The following LRRC8C variants were observed in gnomAD, a reference collection of about 807,000 sequenced individuals.
LRRC8C encodes leucine rich repeat containing 8 VRAC subunit C.
A neutral mutation model predicts 55.3 loss-of-function variants in LRRC8C; 20 were observed. The observed-to-expected ratio is 0.36, with a 90% CI of 0.25 to 0.53. LRRC8C has a LOEUF of 0.53. Ranked by LOEUF, LRRC8C falls within the 20% of genes least tolerant of loss-of-function variation. LRRC8C has a pLI of 0.92. For synonymous variants in LRRC8C, 376 were observed against 360.7 expected, an observed-to-expected ratio of 1.04 and a Z score of -0.48; for missense variants, 659 against 951.4, an observed-to-expected ratio of 0.69 and a Z score of 4.04.
intron 2 of LRRC8C, among the ~76,000 whole-genome samples, chr1:89,712,181 C>T (rs1174249828): frequency 6.6e-6 from 1 of 152,140 alleles, no homozygotes; most frequent in African/African-American, 2.4e-5. Flanking sequence ...GGCACGATCT[C>T]GGCTCACTGC....
At chr1:89,668,501 T>G (rs1355757246) in intron 1 of LRRC8C, among the ~76,000 whole-genome samples, 1 of 152,214 alleles carries the variant, frequency 6.6e-6, no homozygotes, top group Non-Finnish European at 1.5e-5. Flanking sequence ...TAGGCTACAG[T>G]GTTCAAGTCA....
At chr1:89,625,596 G>A in the LRRC8C span, among the ~76,000 whole-genome samples, 1 of 152,168 alleles carries the variant, frequency 6.6e-6, no homozygotes, top group Non-Finnish European at 1.5e-5. Context: ...GGCTTTCACG[G>A]ACAGAGCATG....
chr1:89,687,249 G>T (rs1440280324), intron 2 of LRRC8C, among the ~76,000 whole-genome samples: 2 of 152,226 alleles, frequency 1.3e-5, no homozygotes, highest in African/African-American at 2.4e-5. Flanking sequence ...TTTGATAGAG[G>T]TGTCCATAAG....
chr1:89,638,261 C>T (rs978428248), intron 1 of LRRC8C, among the ~76,000 whole-genome samples: 2 of 152,124 alleles, frequency 1.3e-5, no homozygotes, highest in Admixed American at 6.5e-5. Context: ...ATCCAAGGGC[C>T]GGAAACACTA....
At chr1:89,680,914 C>T (rs1214272587) in intron 1 of LRRC8C, among the ~76,000 whole-genome samples, 1 of 151,962 alleles carries the variant, frequency 6.6e-6, no homozygotes, top group Non-Finnish European at 1.5e-5. Context: ...AAAAGGTTAC[C>T]GAAGCAGAGA....
At chr1:89,698,760 G>T (rs1412714939) in intron 2 of LRRC8C, among the ~76,000 whole-genome samples, 1 of 151,694 alleles carries the variant, frequency 6.6e-6, no homozygotes, top group Non-Finnish European at 1.5e-5. Flanking sequence ...TCTTATTGCT[G>T]TTGGAGAAAT....
intron 2 of LRRC8C, among the ~76,000 whole-genome samples, chr1:89,711,974 A>G (rs1018475527): frequency 6.6e-6 from 1 of 152,224 alleles, no homozygotes; most frequent in African/African-American, 2.4e-5. Context: ...AATTCCTTTC[A>G]TAGTTCCTCC....
At chr1:89,645,505 C>G (rs1188632796) in intron 1 of LRRC8C, among the ~76,000 whole-genome samples, 1 of 152,098 alleles carries the variant, frequency 6.6e-6, no homozygotes, top group Non-Finnish European at 1.5e-5. Flanking sequence ...CATCAACTTA[C>G]CAATCTGAAA....
intron 1 of LRRC8C, among the ~76,000 whole-genome samples, chr1:89,655,973 A>G (rs1377603956): frequency 6.6e-6 from 1 of 152,244 alleles, no homozygotes; most frequent in Non-Finnish European, 1.5e-5. Context: ...GGGGGCTGGA[A>G]CATGTACTTT....
Position 89,714,238 on chromosome 1 carries a change from C to T in LRRC8C, c.1668C>T (p.Ile556=). The part of the protein sequence containing the change: ...ILSIKSNVSK[I]PQAVVDVSSH... The stretch of plus-strand genomic sequence containing the variant: ...CTATCAAAAGCAACGTTTCCAAAAT[C>T]CCTCAGGCAGTGGTTGATGTTTCCA... The change falls in exon 3 of 3, where the codon ATC becomes ATT. Residue 556 remains isoleucine (I), a synonymous_variant. Coordinates refer to ENST00000370454, the MANE Select transcript of LRRC8C (RefSeq NM_032270.5). This position sits in a 1 kb window ranked among gnomAD's most constrained non-coding sequence, Gnocchi z 4.6. 1 of 1,614,098 alleles carries T rather than the reference C, an allele frequency of 6.2e-7. No individual in the cohort carries two copies. The highest frequency in any genetic ancestry group is 8.5e-7 in the Non-Finnish European group (1 of 1,180,032).
At chr1:89,677,260 T>C (rs1657577405) in intron 1 of LRRC8C, among the ~76,000 whole-genome samples, 1 of 152,192 alleles carries the variant, frequency 6.6e-6, no homozygotes, top group Non-Finnish European at 1.5e-5. Context: ...GGTCCATTAA[T>C]TGAACATACA....
chr1:89,682,290 A>G (rs1249383864), intron 1 of LRRC8C, among the ~76,000 whole-genome samples: 1 of 152,184 alleles, frequency 6.6e-6, no homozygotes, highest in Non-Finnish European at 1.5e-5. Flanking sequence ...CTGTGCCAAT[A>G]TTAAGAAGCA....
chr1:89,650,629 G>A (rs1570695514), intron 1 of LRRC8C, among the ~76,000 whole-genome samples: 1 of 152,100 alleles, frequency 6.6e-6, no homozygotes, highest in South Asian at 2.1e-4. Flanking sequence ...TTGAAACAAT[G>A]TACACTTGCT....
intron 1 of LRRC8C, among the ~76,000 whole-genome samples, chr1:89,634,677 A>G (rs1486540633): frequency 6.6e-6 from 1 of 152,252 alleles, no homozygotes; most frequent in Non-Finnish European, 1.5e-5. Context: ...TGAAAACCCA[A>G]AACGTAATCT....
At chr1:89,642,240 G>T (rs1934045) in intron 1 of LRRC8C, among the ~76,000 whole-genome samples, 84,776 of 151,932 alleles carry the variant, frequency 0.56, 24,063 homozygotes, top group East Asian at 0.79. Flanking sequence ...GTTATATTCC[G>T]TACTGCCTAA....
At chr1:89,663,803 T>C (rs1489709217) in intron 1 of LRRC8C, among the ~76,000 whole-genome samples, 1 of 152,186 alleles carries the variant, frequency 6.6e-6, no homozygotes, top group Non-Finnish European at 1.5e-5. Flanking sequence ...TTTCCTGACT[T>C]TTAATGATCG....
chr1:89,640,836 G>A (rs1359283369), intron 1 of LRRC8C, among the ~76,000 whole-genome samples: 1 of 152,182 alleles, frequency 6.6e-6, no homozygotes, highest in Non-Finnish European at 1.5e-5. Flanking sequence ...ACTTTGTGGT[G>A]TATAGAGTGC....
chr1:89,639,179 G>T (rs2101177304), intron 1 of LRRC8C, among the ~76,000 whole-genome samples: 1 of 151,948 alleles, frequency 6.6e-6, no homozygotes, highest in South Asian at 2.1e-4. Flanking sequence ...TAGAGATAGG[G>T]TTTCACCATG....
At chr1:89,694,520 G>A (rs764790313) in intron 2 of LRRC8C, among the ~76,000 whole-genome samples, 9 of 150,662 alleles carry the variant, frequency 6.0e-5, no homozygotes, top group Non-Finnish European at 1.3e-4. Context: ...CTGGGCTCTA[G>A]TGATCTTCCT....
Sources: gnomAD v4.1 joint callset for allele counts (sites outside exome capture counted in the v4.1 genomes callset) on GRCh38, gnomAD v4.1.1 for gene constraint, Gnocchi (gnomAD v3.1) non-coding constraint, MANE v1.5 for transcripts, NCBI Gene and HGNC (gene_info 2026-07-23, HGNC 2026-07-21) for gene names.